Variants in HACD2 observed in about 807,000 individuals in gnomAD.
The protein encoded by HACD2 is 3-hydroxyacyl-CoA dehydratase 2.
HACD2 carries 15 observed loss-of-function variants against 31.0 expected under a neutral mutation model. The observed-to-expected ratio is 0.48, with a 90% CI of 0.32 to 0.75. The LOEUF is 0.75. HACD2 is among the 30% of genes least tolerant of loss of function. The pLI is 0.03. For synonymous variants in HACD2, 115 were observed against 122.2 expected (o/e 0.94, Z 0.39); for missense variants, 283 against 313.0 (o/e 0.90, Z 0.72).
chr3:123,531,943 T>A (rs1271388448), intron 3 of HACD2, among the ~76,000 whole-genome samples: 6 of 152,190 alleles, frequency 3.9e-5, no homozygotes, highest in Non-Finnish European at 8.8e-5. Context: ...GACCTTTTTT[T>A]AAAAAAAGGA....
chr3:123,568,295 A>G (rs1205779386), intron 2 of HACD2, among the ~76,000 whole-genome samples: 9 of 152,176 alleles, frequency 5.9e-5, no homozygotes, highest in African/African-American at 2.2e-4. Context: ...CTCTGGTCCA[A>G]TCCAACCCTG....
At chr3:123,569,196 T>G (rs2056826600) in intron 2 of HACD2, among the ~76,000 whole-genome samples, 2 of 152,188 alleles carry the variant, frequency 1.3e-5, no homozygotes, top group Admixed American at 1.3e-4. Context: ...AATCTTACAG[T>G]CTTTTTCAAT....
chr3:123,575,405 C>A (rs1485469010), intron 2 of HACD2, among the ~76,000 whole-genome samples: 1 of 152,162 alleles, frequency 6.6e-6, no homozygotes, highest in Non-Finnish European at 1.5e-5. Context: ...GTGTCAGCCA[C>A]CACTCCTGAC....
At chr3:123,502,973 G>A (rs1474618100) in intron 4 of HACD2, 8 of 310,900 alleles carry the variant, frequency 2.6e-5, no homozygotes, top group East Asian at 6.0e-5. Context: ...AGCCTCATGC[G>A]GAGAATGTGG....
At chr3:123,502,186 A>G (rs928956712) in intron 5 of HACD2, among the ~76,000 whole-genome samples, 2 of 152,248 alleles carry the variant, frequency 1.3e-5, no homozygotes, top group South Asian at 2.1e-4. Flanking sequence ...ACTTGGTCCA[A>G]AAAAACCCAT....
intron 3 of HACD2, among the ~76,000 whole-genome samples, chr3:123,533,369 G>A (rs1181148335): frequency 1.3e-5 from 2 of 152,166 alleles, no homozygotes; most frequent in Non-Finnish European, 2.9e-5. Flanking sequence ...GGCTGGTCTC[G>A]AACTCCTAAG....
At chr3:123,560,608 T>A (rs1459248633) in intron 3 of HACD2, among the ~76,000 whole-genome samples, 1 of 152,162 alleles carries the variant, frequency 6.6e-6, no homozygotes, top group African/African-American at 2.4e-5. Context: ...AAATGTTTGT[T>A]ATCCATATTT....
intron 4 of HACD2, among the ~76,000 whole-genome samples, chr3:123,504,952 T>G (rs995044033): frequency 5.3e-5 from 8 of 152,216 alleles, no homozygotes; most frequent in Non-Finnish European, 1.2e-4. Flanking sequence ...CTCATGTTTA[T>G]AGCAGCATTA....
intron 6 of HACD2, among the ~76,000 whole-genome samples, chr3:123,495,342 T>C (rs999520322): frequency 3.3e-5 from 5 of 152,202 alleles, no homozygotes; most frequent in Admixed American, 6.5e-5. Context: ...GAAGTTATTA[T>C]TCCTATTTCA....
intron 4 of HACD2, among the ~76,000 whole-genome samples, chr3:123,513,629 G>A (rs763901900): frequency 6.6e-5 from 10 of 152,186 alleles, no homozygotes; most frequent in Non-Finnish European, 1.5e-4. Flanking sequence ...GGAGTCTGGA[G>A]AGACCTGACA....
intron 4 of HACD2, among the ~76,000 whole-genome samples, chr3:123,515,569 C>T (rs2056124035): frequency 6.6e-6 from 1 of 151,934 alleles, no homozygotes; most frequent in Non-Finnish European, 1.5e-5. Flanking sequence ...GGCTTGGGCT[C>T]GAGAACAGGG....
At chr3:123,501,887 C>CTT (rs2055906490) in intron 5 of HACD2, among the ~76,000 whole-genome samples, 1 of 152,190 alleles carries the variant, frequency 6.6e-6, no homozygotes, top group Non-Finnish European at 1.5e-5. Flanking sequence ...GGAACCACTG[C>CTT]TTTCCTTCCA....
chr3:123,562,754 G>T (rs1373883402), intron 3 of HACD2, among the ~76,000 whole-genome samples: 1 of 152,188 alleles, frequency 6.6e-6, no homozygotes, highest in Non-Finnish European at 1.5e-5. Flanking sequence ...AGTAACCCTA[G>T]TCTGACTCAG....
At chr3:123,557,536 G>C (rs1319829653) in intron 3 of HACD2, among the ~76,000 whole-genome samples, 1 of 152,160 alleles carries the variant, frequency 6.6e-6, no homozygotes, top group East Asian at 1.9e-4. Context: ...CTACTTGGGA[G>C]GCTGGGGCAG....
chr3:123,542,965 C>A (rs1170824922), intron 3 of HACD2, among the ~76,000 whole-genome samples: 3 of 152,124 alleles, frequency 2.0e-5, no homozygotes, highest in African/African-American at 7.2e-5. Context: ...AAAATGAAAA[C>A]CTTCACTGTC....
In HACD2 at chr3:123,567,787, GA is replaced by G. The variant is rs1402147983; in HGVS notation, c.274-8del. The G allele has an allele frequency of 1.2e-5, 17 of 1,474,452 alleles. No homozygotes were observed. Among genetic ancestry groups the G allele is most frequent in the Admixed American group, 4.5e-5 (2 of 44,818 alleles). The allele number at this position is 1,474,452 out of a possible 1,614,324, so 91.3% of individuals were successfully genotyped here. A position where few individuals can be genotyped will look rare whatever the true frequency, so the allele number is the denominator to read the frequency against. Reference sequence around the variant, plus strand: ...CTATAGCACAATGTAAAATCTAGAGGAAAAAAGGGGAAAAAAGAGGAGAATT... The same window carrying G: ...CTATAGCACAATGTAAAATCTAGAGGAAAAAGGGGAAAAAAGAGGAGAATT... On this transcript the variant is annotated splice_region_variant and splice_polypyrimidine_tract_variant and intron_variant, in intron 2 of 6. Coordinates refer to ENST00000383657, the MANE Select transcript of HACD2 (RefSeq NM_198402.5).
chr3:123,581,901 A>G (rs1037885776), intron 2 of HACD2, among the ~76,000 whole-genome samples: 2 of 152,224 alleles, frequency 1.3e-5, no homozygotes, highest in East Asian at 3.8e-4. Flanking sequence ...ATAAACCCTG[A>G]AAGCATCTGA....
intron 2 of HACD2, 49 bp from the exon 3 acceptor site, chr3:123,567,829 A>T (rs1453926340): frequency 1.9e-5 from 24 of 1,287,096 alleles, no homozygotes; most frequent in Non-Finnish European, 2.6e-5. Flanking sequence ...GAATCAAGAT[A>T]TTAAAGTTTT....
Position 123,516,477 on chromosome 3 carries a change from G to A in HACD2, c.381+11909C>T, listed in dbSNP as rs564861226. On this transcript the variant is annotated intron_variant, in intron 4 of 6. Coordinates refer to ENST00000383657, the MANE Select transcript of HACD2 (RefSeq NM_198402.5). ...TCTCGATCTTCTGACCTCGTGATCC[G>A]CCCACCTCGGCCTCCCAAAGTGCTG... is the stretch of plus-strand genomic sequence containing the variant. Among the ~76,000 whole-genome samples the A allele has an allele frequency of 2.6e-5, 4 of 151,944 alleles. No homozygotes were observed. The South Asian group carries it at 6.2e-4, about 24-fold the overall frequency.
Sources: allele counts gnomAD v4.1 joint callset (sites outside exome capture counted in the v4.1 genomes callset), GRCh38; gene constraint gnomAD v4.1.1; transcripts MANE v1.5; gene names NCBI Gene and HGNC (gene_info 2026-07-23, HGNC 2026-07-21).